ACOXL: variants seen among roughly 807,000 people sequenced by gnomAD.
ACOXL encodes acyl-coenzyme A oxidase-like protein.
ACOXL carries 70 observed loss-of-function variants against 71.9 expected under a neutral mutation model. The observed-to-expected ratio is 0.97, with a 90% confidence interval of 0.80 to 1.19. The LOEUF is 1.19. Among genes scored for constraint, ACOXL ranks in the 50% most tolerant of loss-of-function variants. The pLI, the probability that ACOXL is intolerant of heterozygous loss-of-function variation, is 0.00. For synonymous variants in ACOXL, 253 were observed against 281.6 expected, an observed-to-expected ratio of 0.90 and a Z score of 1.02; for missense variants, 703 against 736.3, an observed-to-expected ratio of 0.95 and a Z score of 0.52.
chr2:110,945,242 C>A (rs527346849), intron 12 of ACOXL, among the ~76,000 whole-genome samples: 4 of 152,072 alleles, frequency 2.6e-5, no homozygotes, highest in Admixed American at 1.3e-4. Flanking sequence ...GATGTTAGAC[C>A]TTTGTTGAAT....
chr2:110,966,511 G>A (rs2061937168), intron 12 of ACOXL, among the ~76,000 whole-genome samples: 1 of 152,210 alleles, frequency 6.6e-6, no homozygotes, highest in Non-Finnish European at 1.5e-5. Context: ...ACAAGAAACT[G>A]GATCAAGTAG....
chr2:110,828,427 G>A lies in ACOXL; in HGVS notation c.754-12944G>A, dbSNP rs191991690. ...CTGTCATGACTCTTTAATACATGTC[G>A]TCAAATTGTCTTTCAAAAGAGCTGT... On this transcript the variant is annotated intron_variant, in intron 9 of 17. Transcript: ENST00000439055. Among the ~76,000 whole-genome samples, 458 of 152,258 alleles carry A rather than the reference G, an allele frequency of 3.0e-3. 4 individuals are homozygous for A. The highest frequency in any genetic ancestry group is 6.7e-3 in the Admixed American group (103 of 15,306).
chr2:110,987,092 T>A lies in ACOXL; in HGVS notation c.1060-16T>A. 2 of 1,555,458 alleles carry A rather than the reference T, an allele frequency of 1.3e-6. No individual in the cohort carries two copies. Among genetic ancestry groups the A allele is most frequent in the Non-Finnish European group, 1.7e-6 (2 of 1,146,968 alleles). On this transcript the variant is annotated splice_polypyrimidine_tract_variant and intron_variant, in intron 12 of 17. Coordinates refer to ENST00000439055, the MANE Select transcript of ACOXL (RefSeq NM_001142807.4). Reference sequence around the variant, plus strand: ...TTACACTGCTGAGACTGATGAGCGATAAACTCTTTGCACAGGTTGTGGGGC... The same window carrying A: ...TTACACTGCTGAGACTGATGAGCGAAAAACTCTTTGCACAGGTTGTGGGGC...
At chr2:111,029,462 C>T (rs1042857972) in intron 14 of ACOXL, among the ~76,000 whole-genome samples, 3 of 152,246 alleles carry the variant, frequency 2.0e-5, no homozygotes, top group African/African-American at 7.2e-5. Context: ...TTCATTTTGA[C>T]CACTTGACAG....
At chr2:111,003,278 G>A (rs746440013) in intron 14 of ACOXL, among the ~76,000 whole-genome samples, 1 of 151,964 alleles carries the variant, frequency 6.6e-6, no homozygotes. Flanking sequence ...GGCTGGGTGC[G>A]GTGGCTCACG....
intron 10 of ACOXL, among the ~76,000 whole-genome samples, chr2:110,841,755 A>T (rs1226668778): frequency 6.6e-6 from 1 of 151,898 alleles, no homozygotes; most frequent in African/African-American, 2.4e-5. Flanking sequence ...GCAGAGAGAA[A>T]CCCAGCAAGG....
chr2:110,980,556 T>C (rs961037684), intron 12 of ACOXL, among the ~76,000 whole-genome samples: 12 of 152,202 alleles, frequency 7.9e-5, no homozygotes, highest in African/African-American at 2.4e-4. Context: ...AACCACCTCA[T>C]TGGGCCTGTG....
At chr2:111,068,051 C>A (rs574362117) in intron 16 of ACOXL, among the ~76,000 whole-genome samples, 1 of 152,128 alleles carries the variant, frequency 6.6e-6, no homozygotes, top group East Asian at 1.9e-4. Context: ...AAAAATACCC[C>A]ACAAATGGAA....
chr2:110,878,840 A>G (rs1241322035), intron 10 of ACOXL, among the ~76,000 whole-genome samples: 1 of 151,916 alleles, frequency 6.6e-6, no homozygotes, highest in Admixed American at 6.6e-5. Flanking sequence ...CGGGTGGATC[A>G]CGAGGTCAGG....
intron 10 of ACOXL, among the ~76,000 whole-genome samples, chr2:110,862,870 C>T (rs1694117900): frequency 6.6e-6 from 1 of 152,172 alleles, no homozygotes; most frequent in African/African-American, 2.4e-5. Flanking sequence ...CTGGGCAGTC[C>T]AGCGGCACCC....
intron 2 of ACOXL, among the ~76,000 whole-genome samples, chr2:110,777,811 G>A (rs1482988540): frequency 6.6e-6 from 1 of 152,194 alleles, no homozygotes; most frequent in Admixed American, 6.5e-5. Flanking sequence ...GTTGAGGGAG[G>A]CTGTCCTCAT....
chr2:110,809,670 TG>T (rs34203707), intron 9 of ACOXL, among the ~76,000 whole-genome samples: 1 of 152,126 alleles, frequency 6.6e-6, no homozygotes, highest in East Asian at 1.9e-4. Context: ...CTGCTGTTGA[TG>T]GGGGTTTGAA....
chr2:110,898,584 C>T (rs1558693548), intron 10 of ACOXL, among the ~76,000 whole-genome samples: 1 of 152,180 alleles, frequency 6.6e-6, no homozygotes, highest in African/African-American at 2.4e-5. Flanking sequence ...TAAAGAGGAA[C>T]ATCCTCAACT....
chr2:111,023,593 T>G (rs1316213330), intron 14 of ACOXL, among the ~76,000 whole-genome samples: 4 of 151,932 alleles, frequency 2.6e-5, no homozygotes, highest in African/African-American at 7.3e-5. Context: ...TGGGAAATAG[T>G]GAGATGCAGA....
At chr2:111,044,734 C>T (rs1452550790) in intron 15 of ACOXL, among the ~76,000 whole-genome samples, 3 of 152,176 alleles carry the variant, frequency 2.0e-5, no homozygotes, top group Non-Finnish European at 2.9e-5. Flanking sequence ...CAACCATTTC[C>T]TTGGGTGTTA....
chr2:110,841,313 G>A, intron 9 of ACOXL, 58 bp from the exon 10 acceptor site: 3 of 1,348,986 alleles, frequency 2.2e-6, no homozygotes, highest in Non-Finnish European at 3.1e-6. Context: ...ATTTTCTTGT[G>A]TGAATTCTGC....
chr2:110,960,146 G>A (rs942304737), intron 12 of ACOXL, among the ~76,000 whole-genome samples: 6 of 152,212 alleles, frequency 3.9e-5, no homozygotes, highest in Non-Finnish European at 8.8e-5. Context: ...GGAGGTCTGA[G>A]GGGAGTGTTC....
chr2:111,066,921 C>T (rs949438871), intron 16 of ACOXL, among the ~76,000 whole-genome samples: 1 of 152,054 alleles, frequency 6.6e-6, no homozygotes, highest in Non-Finnish European at 1.5e-5. Context: ...CAGGAGAAAT[C>T]CCAGAAACTG....
chr2:110,919,676 G>T lies in ACOXL; in HGVS notation c.905+10771G>T, dbSNP rs189882799. Among the ~76,000 whole-genome samples the T allele has an allele frequency of 3.0e-3, 460 of 152,170 alleles. 3 individuals carry two copies. Among genetic ancestry groups the T allele is most frequent in the African/African-American group, 0.01 (434 of 41,520 alleles). On this transcript the variant is annotated intron_variant, in intron 11 of 17. Transcript: ENST00000439055. Reference sequence around the variant, plus strand: ...TACCACTTCAGTATCAAACAAAATTGTTCCACCTCCCACCAAATTCCCTTG... The same window carrying T: ...TACCACTTCAGTATCAAACAAAATTTTTCCACCTCCCACCAAATTCCCTTG...
Sources: allele counts gnomAD v4.1 joint callset (sites outside exome capture counted in the v4.1 genomes callset), GRCh38; gene constraint gnomAD v4.1.1; transcripts MANE v1.5; gene names NCBI Gene and HGNC (gene_info 2026-07-23, HGNC 2026-07-21).